USP37: variants seen among roughly 807,000 people sequenced by gnomAD.
USP37 encodes the protein ubiquitin specific peptidase 37, also known as ubiquitin carboxyl-terminal hydrolase 37.
In USP37, 27 loss-of-function variants were observed where a neutral mutation model predicts 124.0. The ratio of observed to expected loss-of-function variants is 0.22; its 90% CI spans 0.16 to 0.30. The LOEUF is 0.30. Ranked by LOEUF, USP37 falls within the 10% of genes least tolerant of loss-of-function variation. The pLI, the probability that USP37 is intolerant of heterozygous loss-of-function variation, is 1.00. For missense variants in USP37, 889 were observed against 1,140.4 expected (o/e 0.78, Z 3.17); for synonymous variants, 365 against 388.0 (o/e 0.94, Z 0.70).
intron 8 of USP37, among the ~76,000 whole-genome samples, chr2:218,535,781 G>T (rs944272582): frequency 1.3e-5 from 2 of 151,854 alleles, no homozygotes; most frequent in African/African-American, 4.8e-5. Flanking sequence ...CGTGAACCCG[G>T]GAGGCGGAGC....
intron 17 of USP37, among the ~76,000 whole-genome samples, chr2:218,481,700 T>G (rs1409552257): frequency 2.7e-5 from 4 of 147,108 alleles, no homozygotes; most frequent in Admixed American, 2.7e-4. Context: ...TTTTTTTTTT[T>G]GAGATAGGGT....
At chr2:218,549,694 A>G in intron 6 of USP37, 115 bp downstream of exon 6, 1 of 851,404 alleles carries the variant, frequency 1.2e-6, no homozygotes, top group East Asian at 3.3e-5. Context: ...CAGACTCCTG[A>G]CCTCGGGTGA....
chr2:218,550,602 CATT>C (rs1276692282), intron 5 of USP37, among the ~76,000 whole-genome samples: 2 of 136,408 alleles, frequency 1.5e-5, no homozygotes, highest in Non-Finnish European at 3.1e-5. Flanking sequence ...ACTAAACTGA[CATT>C]ATTACAGTCC....
At chr2:218,537,022 GT>G in intron 8 of USP37, among the ~76,000 whole-genome samples, 2 of 152,266 alleles carry the variant, frequency 1.3e-5, no homozygotes, top group South Asian at 4.1e-4. Context: ...TAATGGAAAT[GT>G]TCTGAAACTA....
chr2:218,472,181 C>T (rs1690732781), intron 20 of USP37, among the ~76,000 whole-genome samples: 1 of 152,044 alleles, frequency 6.6e-6, no homozygotes, highest in African/African-American at 2.4e-5. Context: ...CCCAAAAGCA[C>T]AAAAGGGGAA....
intron 11 of USP37, chr2:218,500,618 CACCTGCCTCAGCCTCCCAG>C (rs2105993257): frequency 6.6e-6 from 1 of 152,308 alleles, no homozygotes; most frequent in Admixed American, 6.5e-5. Flanking sequence ...TCAAGTGATT[CACCTGCCTCAGCCTCCCAG>C]AGTGCTGGGA....
intron 11 of USP37, among the ~76,000 whole-genome samples, chr2:218,503,177 T>C (rs1285938197): frequency 6.6e-6 from 1 of 151,968 alleles, no homozygotes; most frequent in East Asian, 1.9e-4. Flanking sequence ...ACATTCTTCA[T>C]GCAGAAGGAA....
intron 21 of USP37, among the ~76,000 whole-genome samples, chr2:218,465,534 A>G (rs1690266485): frequency 1.3e-5 from 2 of 152,220 alleles, no homozygotes; most frequent in Middle Eastern, 3.2e-3. Context: ...AAGGTAACCA[A>G]CAATACATTT....
At chr2:218,544,942 T>C (rs952279072) in intron 8 of USP37, among the ~76,000 whole-genome samples, 5 of 152,210 alleles carry the variant, frequency 3.3e-5, no homozygotes, top group Non-Finnish European at 5.9e-5. Context: ...ATGAGGGGCA[T>C]GGTCCAAGGT....
chr2:218,512,061 G>A (rs1690030216), intron 10 of USP37, among the ~76,000 whole-genome samples: 1 of 152,050 alleles, frequency 6.6e-6, no homozygotes, highest in African/African-American at 2.4e-5. Context: ...TAAGCCATGT[G>A]TTAGTGGCTG....
At chr2:218,474,488 A>G (rs1053461874) in intron 20 of USP37, 142 bp downstream of exon 20, 1 of 1,240,586 alleles carries the variant, frequency 8.1e-7, no homozygotes, top group South Asian at 1.6e-5. Context: ...CAGCCTCCCG[A>G]GTAGCTGGGA....
chr2:218,556,094 T>C (rs1213407841), intron 4 of USP37, among the ~76,000 whole-genome samples: 1 of 152,220 alleles, frequency 6.6e-6, no homozygotes, highest in Non-Finnish European at 1.5e-5. Flanking sequence ...GAGTTTGAGA[T>C]TCTTGGCTCC....
intron 8 of USP37, among the ~76,000 whole-genome samples, chr2:218,538,483 C>A (rs1031370687): frequency 6.6e-6 from 1 of 152,204 alleles, no homozygotes; most frequent in African/African-American, 2.4e-5. Context: ...ACTAAAGAGA[C>A]ACTAAACAAT....
rs999338268 is a variant in USP37, at chr2:218,466,117, G to T, written c.2359C>A (p.Pro787Thr). ...TCAACTTCTCCCTGAGATCCTTCTG[G>T]AGTTTTGTTTTCTTTATTCTCATCA... ...DCDENKENKT[P>T]EGSQGEVDWL... Residue 787 changes from proline (P) to threonine (T), a missense_variant, in exon 21 of 26, where the codon CCA (proline) becomes ACA (threonine). Physicochemically the swap from Pro to Thr is conservative, Grantham distance 38. Coordinates refer to ENST00000258399, the MANE Select transcript of USP37 (RefSeq NM_020935.3). 6.2e-7 allele frequency: 1 copy of T among 1,613,678 alleles called. No homozygotes were observed. The highest frequency in any genetic ancestry group is 8.5e-7 in the Non-Finnish European group (1 of 1,179,922).
intron 14 of USP37, among the ~76,000 whole-genome samples, chr2:218,491,144 G>C (rs907917740): frequency 3.3e-5 from 5 of 152,200 alleles, no homozygotes; most frequent in Admixed American, 2.0e-4. Flanking sequence ...AAAGTGCTGG[G>C]ATTACAGGCA....
chr2:218,525,661 G>A (rs1301336226), intron 10 of USP37, among the ~76,000 whole-genome samples: 1 of 151,816 alleles, frequency 6.6e-6, no homozygotes, highest in Non-Finnish European at 1.5e-5. Context: ...ATTTTCTTTC[G>A]GGTAGCTTCT....
At chr2:218,470,292 T>A (rs1690604079) in intron 20 of USP37, among the ~76,000 whole-genome samples, 1 of 152,180 alleles carries the variant, frequency 6.6e-6, no homozygotes, top group Non-Finnish European at 1.5e-5. Flanking sequence ...CATTCACTCC[T>A]CACATAAGAT....
intron 6 of USP37, 103 bp from the exon 7 acceptor site, chr2:218,547,194 A>ATCGCACCT: frequency 3.2e-6 from 4 of 1,253,224 alleles, no homozygotes; most frequent in Non-Finnish European, 4.3e-6. Flanking sequence ...AAATGGAGCC[A>ATCGCACCT]GGTGCGATGG....
At chr2:218,521,453 T>C (rs1316036186) in intron 10 of USP37, among the ~76,000 whole-genome samples, 1 of 152,216 alleles carries the variant, frequency 6.6e-6, no homozygotes, top group African/African-American at 2.4e-5. Context: ...AAGCCCCGCA[T>C]GCATTACATA....
Sources: gnomAD v4.1 joint callset for allele counts (sites outside exome capture counted in the v4.1 genomes callset) on GRCh38, gnomAD v4.1.1 for gene constraint, MANE v1.5 for transcripts, NCBI Gene and HGNC (gene_info 2026-07-23, HGNC 2026-07-21) for gene names.